The following PARD3B variants were observed in gnomAD, a reference collection of about 807,000 sequenced individuals.
The protein encoded by PARD3B is par-3 family cell polarity regulator beta, also known as partitioning defective 3 homolog B.
Under a neutral mutation model 130.2 loss-of-function variants are expected in PARD3B, and 103 were observed. The ratio of observed to expected loss-of-function variants is 0.79; its 90% CI spans 0.67 to 0.93. The LOEUF (loss-of-function observed/expected upper bound fraction) is 0.93. Among genes scored for constraint, PARD3B ranks in the 40% least tolerant of loss-of-function variants. The pLI is 0.00. For missense variants in PARD3B, 1,609 were observed against 1,499.2 expected (o/e 1.07, Z -1.21); for synonymous variants, 583 against 553.2 (o/e 1.05, Z -0.76).
chr2:204,777,544 G>A (rs1436814884), intron 2 of PARD3B, among the ~76,000 whole-genome samples: 1 of 152,148 alleles, frequency 6.6e-6, no homozygotes, highest in Non-Finnish European at 1.5e-5. Context: ...TGGGGCAGGA[G>A]GATCACTTGA....
chr2:204,926,130 G>C (rs1687599269), intron 2 of PARD3B, among the ~76,000 whole-genome samples: 2 of 152,016 alleles, frequency 1.3e-5, no homozygotes, highest in Non-Finnish European at 2.9e-5. Context: ...TGCGTATCTA[G>C]CAACTTTGGC....
intron 1 of PARD3B, among the ~76,000 whole-genome samples, chr2:204,641,030 T>C (rs1434991315): frequency 6.8e-6 from 1 of 148,006 alleles, no homozygotes; most frequent in Admixed American, 6.8e-5. Flanking sequence ...ATATATTTAC[T>C]ATATTATATG....
intron 2 of PARD3B, among the ~76,000 whole-genome samples, chr2:204,901,736 C>T (rs1159818000): frequency 6.6e-6 from 1 of 151,962 alleles, no homozygotes; most frequent in African/African-American, 2.4e-5. Flanking sequence ...CTGAGTCTCA[C>T]TCAAGGGCCA....
chr2:205,043,791 C>CT (rs545296186), intron 3 of PARD3B, among the ~76,000 whole-genome samples: 16 of 151,628 alleles, frequency 1.1e-4, no homozygotes, highest in South Asian at 2.1e-4. Flanking sequence ...CTTTCTTTGT[C>CT]TTTTTTTTAA....
chr2:204,977,199 AGG>A (rs559105908), intron 3 of PARD3B, among the ~76,000 whole-genome samples: 219 of 152,302 alleles, frequency 1.4e-3, no homozygotes, highest in Non-Finnish European at 2.5e-3. Context: ...GATTCATAGA[AGG>A]GTAATTGCTT....
chr2:204,650,786 T>G (rs1385840819), intron 1 of PARD3B, among the ~76,000 whole-genome samples: 1 of 152,150 alleles, frequency 6.6e-6, no homozygotes, highest in Non-Finnish European at 1.5e-5. Context: ...GTTGACTCAC[T>G]GTTCTGCATT....
chr2:205,304,782 GA>G (rs902708715), intron 18 of PARD3B, among the ~76,000 whole-genome samples: 2 of 151,796 alleles, frequency 1.3e-5, no homozygotes, highest in East Asian at 1.9e-4. Context: ...ATAAAAAAAG[GA>G]AAAAAACACA....
rs889210950 is a variant in PARD3B, at chr2:205,407,190, G to C, written c.2741+6067G>C. Reference sequence around the variant, plus strand: ...CAAGTTTCTTGCTCAAGATTGTGTGGTAGGATTTTCTTAATCTCAAGTAAG... The same window carrying C: ...CAAGTTTCTTGCTCAAGATTGTGTGCTAGGATTTTCTTAATCTCAAGTAAG... On this transcript the variant is annotated intron_variant, in intron 19 of 22. Transcript: ENST00000406610. This position sits in a 1 kb window ranked among gnomAD's most constrained non-coding sequence, Gnocchi z 4.1. Among the ~76,000 whole-genome samples the C allele has an allele frequency of 6.6e-6, 1 of 152,126 alleles. No individual in the cohort carries two copies. Among genetic ancestry groups the C allele is most frequent in the Admixed American group, 6.6e-5 (1 of 15,260 alleles).
In PARD3B at chr2:205,160,875, C is replaced by G. The variant is rs899687385; in HGVS notation, c.1620+1968C>G. 1.3e-5 allele frequency among the ~76,000 whole-genome samples: 2 copies of G among 152,168 alleles called. No homozygotes were observed. The highest frequency in any genetic ancestry group is 2.9e-5 in the Non-Finnish European group (2 of 68,038). On this transcript the variant is annotated intron_variant, in intron 11 of 22. Transcript: ENST00000406610. The surrounding 1 kb of genome is among the most constrained non-coding windows in gnomAD (Gnocchi z 4.0). ...ACTTTAAGATTTGAATCCAGGCAGT[C>G]TGACTCCAGAACCTGCGTTATGCTG...
chr2:205,028,357 A>G (rs1435610024), intron 3 of PARD3B, among the ~76,000 whole-genome samples: 2 of 152,182 alleles, frequency 1.3e-5, no homozygotes, highest in African/African-American at 4.8e-5. Context: ...ATATTCTTTC[A>G]TAATTAAAAA....
Position 205,615,460 on chromosome 2 carries a change from G to A in PARD3B, c.3265G>A (p.Gly1089Arg), listed in dbSNP as rs193187748. The A allele has an allele frequency of 1.3e-6, 2 of 1,590,394 alleles. No individual in the cohort carries two copies. Among genetic ancestry groups the A allele is most frequent in the African/African-American group, 2.7e-5 (2 of 74,104 alleles). Residue 1089 changes from glycine to arginine, a missense_variant, in exon 23 of 23, where the codon GGA becomes AGA. Gly to Arg is a moderately radical substitution (Grantham distance 125, BLOSUM62 -2). Coordinates refer to ENST00000406610, the MANE Select transcript of PARD3B (RefSeq NM_001302769.2). Reference sequence around the variant, plus strand: ...TGTCTCTTCTTCTCTTTCCAGGGGAGGACCCGCAGATCCTGTAGACTATCT... The same window carrying A: ...TGTCTCTTCTTCTCTTTCCAGGGGAAGACCCGCAGATCCTGTAGACTATCT... ...ERQYASLPRGGPADPVDYLPA... is the reference protein window; with the variant it reads ...ERQYASLPRGRPADPVDYLPA...
chr2:204,992,504 A>C (rs368217748), intron 3 of PARD3B, among the ~76,000 whole-genome samples: 2 of 147,682 alleles, frequency 1.4e-5, no homozygotes, highest in African/African-American at 2.5e-5. Context: ...TTTGAAGTCA[A>C]GTAGTGTGAT....
At chr2:205,099,229 T>C (rs1575776420) in intron 4 of PARD3B, among the ~76,000 whole-genome samples, 2 of 152,364 alleles carry the variant, frequency 1.3e-5, no homozygotes, top group African/African-American at 4.8e-5. Context: ...GTAAGAATTA[T>C]ATTAATAAAA....
chr2:204,686,388 T>A (rs773084713), intron 2 of PARD3B, 106 bp downstream of exon 2: 1 of 847,506 alleles, frequency 1.2e-6, no homozygotes, highest in Non-Finnish European at 2.0e-6. Context: ...TATTAAAAGA[T>A]ACCATCTGTT....
At chr2:204,564,444 C>T (rs1267901734) in intron 1 of PARD3B, among the ~76,000 whole-genome samples, 1 of 152,096 alleles carries the variant, frequency 6.6e-6, no homozygotes, top group African/African-American at 2.4e-5. Flanking sequence ...ATTTGTTGAT[C>T]CTAACACCCC....
chr2:205,324,976 C>G (rs1312404475), intron 18 of PARD3B, among the ~76,000 whole-genome samples: 2 of 152,178 alleles, frequency 1.3e-5, no homozygotes, highest in Non-Finnish European at 2.9e-5. Flanking sequence ...CCTGTGAAGA[C>G]CAATCCATCA....
chr2:205,230,164 T>G lies in PARD3B; in HGVS notation c.2141-15614T>G, dbSNP rs930339179. Reference sequence around the variant, plus strand: ...ACTACGGCTGAGCTGGTACCTAAGGTGCAAGACCAAGTCCCTCTCCTTTTC... The same window carrying G: ...ACTACGGCTGAGCTGGTACCTAAGGGGCAAGACCAAGTCCCTCTCCTTTTC... On this transcript the variant is annotated intron_variant, in intron 15 of 22. Transcript: ENST00000406610. The surrounding 1 kb of genome is among the most constrained non-coding windows in gnomAD (Gnocchi z 4.1). 1.4e-4 allele frequency among the ~76,000 whole-genome samples: 22 copies of G among 151,844 alleles called. No individual in the cohort carries two copies. The highest frequency in any genetic ancestry group is 5.3e-4 in the African/African-American group (22 of 41,334).
intron 1 of PARD3B, among the ~76,000 whole-genome samples, chr2:204,644,065 G>T (rs1051582378): frequency 1.3e-5 from 2 of 152,166 alleles, no homozygotes; most frequent in Admixed American, 6.5e-5. Flanking sequence ...TTCTCTGAAG[G>T]AGGCTTGTTT....
chr2:205,202,799 G>A (rs1411369442), intron 15 of PARD3B, among the ~76,000 whole-genome samples: 1 of 152,144 alleles, frequency 6.6e-6, no homozygotes, highest in East Asian at 1.9e-4. Flanking sequence ...CATGGAGAGG[G>A]TAGTGTTGGT....
Sources: allele counts gnomAD v4.1 joint callset (sites outside exome capture counted in the v4.1 genomes callset), GRCh38; gene constraint gnomAD v4.1.1; non-coding constraint Gnocchi (gnomAD v3.1); transcripts MANE v1.5; gene names NCBI Gene and HGNC (gene_info 2026-07-23, HGNC 2026-07-21).